The following GRN variants were observed in gnomAD, a reference collection of about 807,000 sequenced individuals.
GRN encodes progranulin.
In GRN, 30 loss-of-function variants were observed where a neutral mutation model predicts 66.7. That is an observed-to-expected ratio of 0.45 (90% CI 0.34 to 0.61). The LOEUF (loss-of-function observed/expected upper bound fraction) is 0.61, where lower values mean the gene tolerates loss of function less well. Ranked by LOEUF, GRN falls within the 20% of genes least tolerant of loss-of-function variation. GRN has a pLI of 0.01. For missense variants in GRN, 731 were observed against 803.5 expected, an observed-to-expected ratio of 0.91 and a Z score of 1.09; for synonymous variants, 327 against 311.1, an observed-to-expected ratio of 1.05 and a Z score of -0.54.
intron 1 of GRN, among the ~76,000 whole-genome samples, chr17:44,348,168 A>G (rs2048339349): frequency 6.6e-6 from 1 of 152,244 alleles, no homozygotes; most frequent in African/African-American, 2.4e-5. Flanking sequence ...CTGGCTCCCA[A>G]GAGGCTCAAC....
At chr17:44,345,881 G>C (rs912282827) in intron 1 of GRN, 3 of 152,170 alleles carry the variant, frequency 2.0e-5, no homozygotes, top group Middle Eastern at 3.2e-3. Context: ...TCCCCTTTTG[G>C]GAATTTCCTC....
At chr17:44,346,918 C>T (rs1451172467) in intron 1 of GRN, among the ~76,000 whole-genome samples, 2 of 152,052 alleles carry the variant, frequency 1.3e-5, no homozygotes, top group Non-Finnish European at 2.9e-5. Flanking sequence ...GAGTTTGAGA[C>T]CAGCCTGACC....
chr17:44,351,902 C>G (rs933549378), intron 10 of GRN, 107 bp downstream of exon 10: 6 of 1,483,310 alleles, frequency 4.0e-6, no homozygotes, highest in Non-Finnish European at 4.7e-6. Context: ...CTGACAGATT[C>G]GTCCCCAGCT....
Position 44,349,385 on chromosome 17 carries a change from A to T in GRN, c.139-41A>T, listed in dbSNP as rs770306793. 8.7e-6 allele frequency: 14 copies of T among 1,614,142 alleles called. No homozygotes were observed. In the South Asian group the frequency reaches 1.5e-4, roughly 18 times the overall value. On this transcript the variant is annotated intron_variant, in intron 2 of 12. Transcript: ENST00000053867. The stretch of plus-strand genomic sequence containing the variant: ...CTTGGATTGGCCAGAGGAGGACGCC[A>T]GGCACAAGTCTGTGGTTTATCATTT...
intron 1 of GRN, 120 bp from the exon 2 acceptor site, chr17:44,349,038 T>C (rs1304652739): frequency 9.2e-7 from 1 of 1,089,928 alleles, no homozygotes; most frequent in Non-Finnish European, 1.4e-6. Flanking sequence ...AGGGAGGTGT[T>C]GAGAAGGCTC....
chr17:44,349,704 G>C lies in GRN; in HGVS notation c.302G>C (p.Arg101Pro). 1 of 1,613,200 alleles carries C rather than the reference G, an allele frequency of 6.2e-7. No individual in the cohort carries two copies. The highest frequency in any genetic ancestry group is 8.5e-7 in the Non-Finnish European group (1 of 1,179,300). ...ACGDGHHCCP[R>P]GFHCSADGRS... ...GGGGATGGCCATCACTGCTGCCCAC[G>C]GGGCTTCCACTGCAGTGCAGACGGG... Residue 101 changes from arginine to proline, a missense_variant, in exon 4 of 13, where the codon CGG becomes CCG. Arg to Pro is a moderately radical substitution (Grantham distance 103, BLOSUM62 -2). Coordinates refer to ENST00000053867, the MANE Select transcript of GRN (RefSeq NM_002087.4).
chr17:44,352,885 A>G lies in GRN; in HGVS notation c.*87A>G, dbSNP rs1236176987. Reference sequence around the variant, plus strand: ...GCCTCCCTAGCACCTCCCCCTAACCAAATTCTCCCTGGACCCCATTCTGAG... The same window carrying G: ...GCCTCCCTAGCACCTCCCCCTAACCGAATTCTCCCTGGACCCCATTCTGAG... On this transcript the variant is annotated 3_prime_UTR_variant, in exon 13 of 13. Transcript: ENST00000053867. 7.7e-7 allele frequency: 1 copy of G among 1,293,982 alleles called. No homozygotes were observed. The highest frequency in any genetic ancestry group is 1.5e-5 in the African/African-American group (1 of 68,724). 80.2% of individuals were successfully genotyped at this position (1,293,982 alleles called of 1,614,324 possible). A position where few individuals can be genotyped will look rare whatever the true frequency, so the allele number is the denominator to read the frequency against.
In GRN at chr17:44,350,315, C is replaced by G; in HGVS notation, c.437C>G (p.Ser146Cys). ...FSTCCVMVDG[S>C]WGCCPMPQAS... ...ACGTGCTGTGTTATGGTCGATGGCT[C>G]CTGGGGGTGCTGCCCCATGCCCCAG... The change falls in exon 5 of 13, where the codon TCC becomes TGC. Residue 146 changes from serine (S) to cysteine (C), a missense_variant. By Grantham distance (112) the Ser-to-Cys change is moderately radical. This residue lies in a region of GRN where 370 missense variants were observed against 379.8 expected (regional missense o/e 0.97). Transcript: ENST00000053867. 4.3e-6 allele frequency: 7 copies of G among 1,613,302 alleles called. No individual in the cohort carries two copies. The highest frequency in any genetic ancestry group is 5.9e-6 in the Non-Finnish European group (7 of 1,179,762).
intron 10 of GRN, 77 bp downstream of exon 10, chr17:44,351,872 C>T: frequency 6.5e-7 from 1 of 1,527,392 alleles, no homozygotes; most frequent in Non-Finnish European, 9.0e-7. Flanking sequence ...CTCCGCATAG[C>T]CCATAGGTGA....
In GRN at chr17:44,352,541, A is replaced by T. The variant is rs1188505566; in HGVS notation, c.1614A>T (p.Arg538=). 6.2e-7 allele frequency: 1 copy of T among 1,612,980 alleles called. No individual in the cohort carries two copies. Among genetic ancestry groups the T allele is most frequent in the Middle Eastern group, 1.7e-4 (1 of 6,060 alleles). Residue 538 remains arginine, a synonymous_variant, in exon 12 of 13, where the codon CGA becomes CGT. Transcript: ENST00000053867. ...HDNQTCCRDN[R]QGWACCPYRQ... ...ACCAGACCTGCTGCCGAGACAACCG[A>T]CAGGGCTGGGCCTGCTGTCCCTACC...
In GRN at chr17:44,345,341, G is replaced by A. The variant is rs2143306043; in HGVS notation, c.-8+7G>A. ...ACCGCGGAGTCGGACGCAGGTAGGA[G>A]AGCGGCCGCGCAGACCTCTCGCCTG... is the stretch of plus-strand genomic sequence containing the variant. On this transcript the variant is annotated splice_region_variant and intron_variant, in intron 1 of 12. Transcript: ENST00000053867. 6.6e-6 allele frequency: 1 copy of A among 150,868 alleles called. No individual in the cohort carries two copies. The highest frequency in any genetic ancestry group is 2.1e-4 in the South Asian group (1 of 4,768). 9.3% of individuals were successfully genotyped at this position (150,868 alleles called of 1,614,324 possible).
chr17:44,351,020 C>T lies in GRN; in HGVS notation c.709-17C>T, dbSNP rs757755025. ...TGAGCCTGGAAGTGACAAAGACCCACCCCTGTCCCCACTCAGGCCACCTGC... is the reference window on the plus strand; with the variant it reads ...TGAGCCTGGAAGTGACAAAGACCCATCCCTGTCCCCACTCAGGCCACCTGC... On this transcript the variant is annotated splice_polypyrimidine_tract_variant and intron_variant, in intron 7 of 12. Coordinates refer to ENST00000053867, the MANE Select transcript of GRN (RefSeq NM_002087.4). 31 of 1,612,764 alleles carry T rather than the reference C, an allele frequency of 1.9e-5. No homozygotes were observed. Among genetic ancestry groups the T allele is most frequent in the Non-Finnish European group, 2.5e-5 (29 of 1,179,816 alleles).
intron 7 of GRN, 44 bp from the exon 8 acceptor site, chr17:44,350,993 A>G (rs755779122): frequency 2.5e-6 from 4 of 1,607,654 alleles, no homozygotes; most frequent in Non-Finnish European, 3.4e-6. Flanking sequence ...CCTGTGTGCT[A>G]CTGAGCCTGG....
chr17:44,349,220 G>A lies in GRN; in HGVS notation c.56G>A (p.Arg19Gln), dbSNP rs764665710. Residue 19 changes from arginine to glutamine, a missense_variant, in exon 2 of 13, where the codon CGG becomes CAG. Physicochemically the swap from Arg to Gln is conservative, Grantham distance 43. Coordinates refer to ENST00000053867, the MANE Select transcript of GRN (RefSeq NM_002087.4). ...ALTAGLVAGT[R>Q]CPDGQFCPVA... The stretch of plus-strand genomic sequence containing the variant: ...ACAGCAGGGCTGGTGGCTGGAACGC[G>A]GTGCCCAGATGGTCAGTTCTGCCCT... 43 of 1,613,912 alleles carry A rather than the reference G, an allele frequency of 2.7e-5. No individual in the cohort carries two copies. Among genetic ancestry groups the A allele is most frequent in the East Asian group, 4.5e-5 (2 of 44,902 alleles).
intron 8 of GRN, 21 bp downstream of exon 8, chr17:44,351,184 A>T: frequency 5.0e-6 from 8 of 1,614,072 alleles, no homozygotes; most frequent in Non-Finnish European, 6.8e-6. Flanking sequence ...CAGGGTGCAG[A>T]TACAGGGGTG....
At position 44,353,032 on chromosome 17, in the gene GRN, G is replaced by A; in HGVS notation, c.*234G>A. ...CCGTTTCAGTGGACCCTGTGGCCAGGTGCTTTTCCCTATCCACAGGGGTGT... is the reference window on the plus strand; with the variant it reads ...CCGTTTCAGTGGACCCTGTGGCCAGATGCTTTTCCCTATCCACAGGGGTGT... On this transcript the variant is annotated 3_prime_UTR_variant, in exon 13 of 13. Transcript: ENST00000053867. 2 of 602,590 alleles carry A rather than the reference G, an allele frequency of 3.3e-6. No individual in the cohort carries two copies. The highest frequency in any genetic ancestry group is 5.9e-6 in the Non-Finnish European group (2 of 338,090). 37.3% of individuals were successfully genotyped at this position (602,590 alleles called of 1,614,324 possible).
At chr17:44,345,903 C>T (rs558742108) in intron 1 of GRN, among the ~76,000 whole-genome samples, 15 of 152,302 alleles carry the variant, frequency 9.8e-5, no homozygotes, top group African/African-American at 3.4e-4. Context: ...CCCCTTGGCA[C>T]TCGGAGTTGG....
rs2048375470 is a variant in GRN, at chr17:44,351,642, G to A, written c.1026G>A (p.Val342=). The part of the protein sequence containing the change: ...KGTCEQGPHQ[V]PWMEKAPAHL... ...CCTGTGAACAGGGGCCCCACCAGGT[G>A]CCCTGGATGGAGAAGGCCCCAGCTC... The change falls in exon 10 of 13, where the codon GTG becomes GTA. Residue 342 remains valine (V), a synonymous_variant. Transcript: ENST00000053867. 2.5e-6 allele frequency: 4 copies of A among 1,614,084 alleles called. 1 individual carries two copies. The South Asian group carries it at 3.3e-5, about 13-fold the overall frequency.
chr17:44,346,476 T>G (rs72824734), intron 1 of GRN, among the ~76,000 whole-genome samples: 10,162 of 152,248 alleles, frequency 0.067, 384 homozygotes, highest in Admixed American at 0.076. Flanking sequence ...GAGCAACTTC[T>G]CAGGCCCTCA....
Sources: allele counts gnomAD v4.1 joint callset (sites outside exome capture counted in the v4.1 genomes callset), GRCh38; gene constraint gnomAD v4.1.1; regional missense constraint gnomAD v4.1.1; transcripts MANE v1.5; gene names NCBI Gene and HGNC (gene_info 2026-07-23, HGNC 2026-07-21).